Variants in BMPR1B observed in about 807,000 individuals in gnomAD.
The protein encoded by BMPR1B is bone morphogenetic protein receptor type 1B, also known as bone morphogenetic protein receptor type-1B.
A neutral mutation model predicts 59.1 loss-of-function variants in BMPR1B; 12 were observed. That is an observed-to-expected ratio of 0.20 (90% CI 0.13 to 0.33). The LOEUF is 0.33. Ranked by LOEUF, BMPR1B falls within the 10% of genes least tolerant of loss-of-function variation. The probability of loss-of-function intolerance (pLI) is 1.00; values close to 1 mark genes in which losing one functional copy is unlikely to be tolerated. For missense variants in BMPR1B, 550 were observed against 610.9 expected (o/e 0.90, Z 1.05); for synonymous variants, 237 against 207.3 (o/e 1.14, Z -1.23).
intron 2 of BMPR1B, among the ~76,000 whole-genome samples, chr4:94,973,250 C>T (rs1730884491): frequency 6.6e-6 from 1 of 152,184 alleles, no homozygotes; most frequent in Non-Finnish European, 1.5e-5. Context: ...GGTGGCTGCC[C>T]TCTGCCAGCG....
intron 2 of BMPR1B, among the ~76,000 whole-genome samples, chr4:94,918,722 T>C (rs1413345322): frequency 6.6e-6 from 1 of 152,100 alleles, no homozygotes; most frequent in Non-Finnish European, 1.5e-5. Flanking sequence ...AAACTTCCTT[T>C]CCTTTTGAAC....
intron 1 of BMPR1B, among the ~76,000 whole-genome samples, chr4:94,800,447 ATTT>A (rs71583665): frequency 5.0e-5 from 6 of 120,098 alleles, no homozygotes; most frequent in Non-Finnish European, 3.4e-5. Context: ...GGTCTTTACT[ATTT>A]TTTTTTTTTT....
intron 10 of BMPR1B, among the ~76,000 whole-genome samples, chr4:95,141,721 C>T (rs1324591377): frequency 6.6e-6 from 1 of 152,142 alleles, no homozygotes; most frequent in African/African-American, 2.4e-5. Flanking sequence ...AATTCAGCAA[C>T]CACTCTGAGA....
intron 3 of BMPR1B, among the ~76,000 whole-genome samples, chr4:95,005,693 T>C (rs1457022173): frequency 6.6e-6 from 1 of 152,216 alleles, no homozygotes; most frequent in Admixed American, 6.5e-5. Flanking sequence ...AGCAAGTTTC[T>C]GTTATACCAA....
At chr4:95,034,449 A>G (rs1836266) in intron 3 of BMPR1B, among the ~76,000 whole-genome samples, 1 of 151,840 alleles carries the variant, frequency 6.6e-6, no homozygotes, top group Admixed American at 6.6e-5. Context: ...CATCCCACAG[A>G]GTCCCCAAAG....
At chr4:94,951,202 A>G (rs1322379112) in intron 2 of BMPR1B, among the ~76,000 whole-genome samples, 2 of 152,212 alleles carry the variant, frequency 1.3e-5, no homozygotes, top group East Asian at 1.9e-4. Flanking sequence ...TAAATATACA[A>G]TCATGTCATC....
intron 2 of BMPR1B, among the ~76,000 whole-genome samples, chr4:94,889,729 A>G (rs1330557760): frequency 6.6e-6 from 1 of 151,986 alleles, no homozygotes; most frequent in African/African-American, 2.4e-5. Context: ...CAGGCAACAG[A>G]TGGTTACTGT....
intron 1 of BMPR1B, among the ~76,000 whole-genome samples, chr4:94,772,016 A>G (rs995618983): frequency 6.6e-6 from 1 of 152,238 alleles, no homozygotes; most frequent in South Asian, 2.1e-4. Context: ...AAAACCTTCA[A>G]GAAGAGTTTC....
intron 1 of BMPR1B, among the ~76,000 whole-genome samples, chr4:94,762,937 T>C (rs1320798782): frequency 6.6e-6 from 1 of 152,002 alleles, no homozygotes; most frequent in Non-Finnish European, 1.5e-5. Context: ...CAATAGTTAC[T>C]TTTACTTTTG....
At chr4:95,065,906 A>G (rs1727764860) in intron 3 of BMPR1B, among the ~76,000 whole-genome samples, 1 of 152,176 alleles carries the variant, frequency 6.6e-6, no homozygotes, top group Non-Finnish European at 1.5e-5. Context: ...TATTTAACTG[A>G]TGAGAAAAAC....
intron 2 of BMPR1B, among the ~76,000 whole-genome samples, chr4:94,983,314 T>TGA (rs1457640608): frequency 6.6e-6 from 1 of 152,170 alleles, no homozygotes; most frequent in African/African-American, 2.4e-5. Flanking sequence ...GTAAAGTCCA[T>TGA]GAGAGAAGAT....
chr4:95,109,969 C>T (rs1007001366), intron 4 of BMPR1B, among the ~76,000 whole-genome samples: 3 of 149,268 alleles, frequency 2.0e-5, no homozygotes, highest in Non-Finnish European at 3.0e-5. Context: ...TTATAAGAGG[C>T]TGTGATTTTA....
intron 2 of BMPR1B, among the ~76,000 whole-genome samples, chr4:94,976,633 A>T (rs1445020814): frequency 6.6e-6 from 1 of 152,224 alleles, no homozygotes. Flanking sequence ...CTTCTTGAAT[A>T]TTGAAAGCCT....
intron 2 of BMPR1B, among the ~76,000 whole-genome samples, chr4:94,929,142 C>T (rs1020825033): frequency 6.6e-6 from 1 of 152,030 alleles, no homozygotes; most frequent in African/African-American, 2.4e-5. Context: ...TGCTTTAATC[C>T]AGTAAGTGTC....
intron 2 of BMPR1B, among the ~76,000 whole-genome samples, chr4:94,970,128 T>C (rs1730715852): frequency 6.6e-6 from 1 of 152,228 alleles, no homozygotes; most frequent in African/African-American, 2.4e-5. Flanking sequence ...TTTAGTAGTT[T>C]ACTCTGACAA....
chr4:95,127,652 T>C (rs1733001314), intron 8 of BMPR1B, among the ~76,000 whole-genome samples: 1 of 152,052 alleles, frequency 6.6e-6, no homozygotes, highest in African/African-American at 2.4e-5. Flanking sequence ...TGCTCCTGTT[T>C]CCTTGTTTGG....
Position 94,770,180 on chromosome 4 carries a change from G to GTTTTTTTTTTTTTTTTTTTTTTTTTTTT in BMPR1B, c.-183+12113_-183+12114insTTTTTTTTTTTTTTTTTTTTTTTTTTTT, listed in dbSNP as rs1553903537. Among the ~76,000 whole-genome samples, 11 of 106,250 alleles carry GTTTTTTTTTTTTTTTTTTTTTTTTTTTT rather than the reference G, an allele frequency of 1.0e-4. 1 individual carries two copies. Among genetic ancestry groups the GTTTTTTTTTTTTTTTTTTTTTTTTTTTT allele is most frequent in the African/African-American group, 4.1e-4 (10 of 24,168 alleles). 69.7% of individuals were successfully genotyped at this position (106,250 alleles called of 152,430 possible). On this transcript the variant is annotated intron_variant, in intron 1 of 12. Transcript: ENST00000515059. ...TTTGTTTGAATTGTCCTTCGTTTCT[G>GTTTTTTTTTTTTTTTTTTTTTTTTTTTT]TGTTTGTTTTTTTTTTTTTTTTTTG...
intron 3 of BMPR1B, among the ~76,000 whole-genome samples, chr4:95,071,771 T>C (rs1728319436): frequency 6.6e-6 from 1 of 151,234 alleles, no homozygotes; most frequent in Non-Finnish European, 1.5e-5. Flanking sequence ...CCTGAGATAC[T>C]TCAGATTTAG....
chr4:95,058,246 AAT>A (rs1434274557), intron 3 of BMPR1B, among the ~76,000 whole-genome samples: 1 of 152,206 alleles, frequency 6.6e-6, no homozygotes, highest in Non-Finnish European at 1.5e-5. Context: ...CTGGGAACTT[AAT>A]GTCTGAAACT....
Sources: gnomAD v4.1 joint callset for allele counts (sites outside exome capture counted in the v4.1 genomes callset) on GRCh38, gnomAD v4.1.1 for gene constraint, MANE v1.5 for transcripts, NCBI Gene and HGNC (gene_info 2026-07-23, HGNC 2026-07-21) for gene names.